Variants in HIBCH observed in about 807,000 individuals in gnomAD.
HIBCH encodes 3-hydroxyisobutyryl-CoA hydrolase, mitochondrial.
A neutral mutation model predicts 58.2 loss-of-function variants in HIBCH; 50 were observed. That is an observed-to-expected ratio of 0.86 (90% CI 0.68 to 1.09). HIBCH has a LOEUF of 1.09. Among genes scored for constraint, HIBCH ranks in the 50% least tolerant of loss-of-function variants. The pLI, the probability that HIBCH is intolerant of heterozygous loss-of-function variation, is 0.00. For missense variants in HIBCH, 450 were observed against 449.7 expected (o/e 1.00, Z -0.01); for synonymous variants, 151 against 146.9 (o/e 1.03, Z -0.20).
intron 10 of HIBCH, 115 bp from the exon 11 acceptor site, chr2:190,245,083 C>A: frequency 1.3e-6 from 1 of 745,492 alleles, no homozygotes. Context: ...GAAAAATTGT[C>A]TAACCTCTTT....
At chr2:190,224,966 T>C (rs1308791661) in intron 11 of HIBCH, among the ~76,000 whole-genome samples, 3 of 152,144 alleles carry the variant, frequency 2.0e-5, no homozygotes, top group African/African-American at 7.2e-5. Context: ...ATTAAGAAAC[T>C]CACTCAAAAT....
chr2:190,295,036 G>A (rs966644042), intron 3 of HIBCH, among the ~76,000 whole-genome samples: 3 of 152,182 alleles, frequency 2.0e-5, no homozygotes, highest in African/African-American at 7.2e-5. Flanking sequence ...TTTCTACTGT[G>A]CTGATACAGG....
chr2:190,226,947 G>A (rs1048440148), intron 11 of HIBCH, among the ~76,000 whole-genome samples: 5 of 152,046 alleles, frequency 3.3e-5, no homozygotes, highest in Admixed American at 2.0e-4. Flanking sequence ...ACAAATGGAA[G>A]AACATTCCAT....
chr2:190,232,868 G>C (rs879421422), intron 11 of HIBCH, among the ~76,000 whole-genome samples: 12 of 152,142 alleles, frequency 7.9e-5, no homozygotes, highest in African/African-American at 1.7e-4. Context: ...TGAGGCAGGA[G>C]AATGGCGTGA....
intron 11 of HIBCH, among the ~76,000 whole-genome samples, chr2:190,220,726 A>G (rs1685695729): frequency 6.6e-6 from 1 of 151,774 alleles, no homozygotes; most frequent in East Asian, 2.0e-4. Flanking sequence ...TTTGCTGACA[A>G]AATCACTAGT....
chr2:190,208,741 T>C (rs1465496409), intron 13 of HIBCH, 139 bp downstream of exon 13: 12 of 724,610 alleles, frequency 1.7e-5, no homozygotes, highest in Non-Finnish European at 3.0e-5. Context: ...GAGTGTCATG[T>C]TGGTGCTCAA....
At chr2:190,278,869 A>G (rs1384666320) in intron 6 of HIBCH, among the ~76,000 whole-genome samples, 1 of 152,212 alleles carries the variant, frequency 6.6e-6, no homozygotes, top group Non-Finnish European at 1.5e-5. Context: ...AAGTGCCAAC[A>G]AGGTTGAGCG....
intron 6 of HIBCH, among the ~76,000 whole-genome samples, chr2:190,264,464 C>T (rs549827790): frequency 4.6e-5 from 7 of 152,004 alleles, no homozygotes; most frequent in African/African-American, 7.2e-5. Context: ...GTCACTACAC[C>T]CTCCATCCCT....
downstream of HIBCH, chr2:190,202,406 G>A (rs911526939): frequency 7.2e-5 from 12 of 166,836 alleles, no homozygotes; most frequent in African/African-American, 2.4e-4. Flanking sequence ...ATCAAGACAG[G>A]AGCAAATGGG....
intron 11 of HIBCH, among the ~76,000 whole-genome samples, chr2:190,218,761 T>C (rs955917917): frequency 1.6e-4 from 25 of 152,360 alleles, no homozygotes; most frequent in African/African-American, 5.8e-4. Context: ...GTTGGCTCTA[T>C]ACCAGGACAG....
At chr2:190,292,419 C>T (rs891507399) in intron 4 of HIBCH, among the ~76,000 whole-genome samples, 3 of 152,218 alleles carry the variant, frequency 2.0e-5, no homozygotes, top group African/African-American at 7.2e-5. Flanking sequence ...ATTCTCCTGC[C>T]TCAGCCTCCC....
chr2:190,306,674 G>A lies in HIBCH; in HGVS notation c.78+4080C>T, dbSNP rs1688416105. 6.6e-6 allele frequency among the ~76,000 whole-genome samples: 1 copy of A among 152,110 alleles called. No homozygotes were observed. On this transcript the variant is annotated intron_variant, in intron 2 of 13. Coordinates refer to ENST00000359678, the MANE Select transcript of HIBCH (RefSeq NM_014362.4). This position sits in a 1 kb window ranked among gnomAD's most constrained non-coding sequence, Gnocchi z 4.6. ...TCCAAGAGTGTCACGTCTTCTGCTA[G>A]CACCCATGAAATATTAAGAAGCTAA... is the stretch of plus-strand genomic sequence containing the variant.
chr2:190,285,604 G>C (rs1320588718), intron 6 of HIBCH, among the ~76,000 whole-genome samples: 8 of 152,076 alleles, frequency 5.3e-5, no homozygotes, highest in Admixed American at 5.2e-4. Flanking sequence ...AAATAGTTAA[G>C]TTCCTTAAAA....
At chr2:190,235,583 A>G (rs1686250573) in intron 11 of HIBCH, among the ~76,000 whole-genome samples, 1 of 152,266 alleles carries the variant, frequency 6.6e-6, no homozygotes, top group African/African-American at 2.4e-5. Context: ...ACAGAATTCA[A>G]GCAGTTAAGT....
At chr2:190,257,082 A>G (rs1309934755) in intron 7 of HIBCH, among the ~76,000 whole-genome samples, 1 of 152,246 alleles carries the variant, frequency 6.6e-6, no homozygotes, top group Admixed American at 6.5e-5. Flanking sequence ...TATAAACCTA[A>G]GTAGCTCAAT....
intron 11 of HIBCH, among the ~76,000 whole-genome samples, chr2:190,244,171 G>T (rs75156123): frequency 0.022 from 3,288 of 151,434 alleles, 122 homozygotes; most frequent in African/African-American, 0.074. Flanking sequence ...ATATATATAC[G>T]AAAAATGCTA....
At position 190,252,152 on chromosome 2, in the gene HIBCH, G is replaced by A; in HGVS notation, c.663+10C>T. ...CCAACAATACAAAATGCAAACATCTGAAAAAGTACCTTTTCAGAATCTACA... is the reference window on the plus strand; with the variant it reads ...CCAACAATACAAAATGCAAACATCTAAAAAAGTACCTTTTCAGAATCTACA... On this transcript the variant is annotated intron_variant, in intron 8 of 13. Coordinates refer to ENST00000359678, the MANE Select transcript of HIBCH (RefSeq NM_014362.4). 6.2e-7 allele frequency: 1 copy of A among 1,613,252 alleles called. No individual in the cohort carries two copies. Among genetic ancestry groups the A allele is most frequent in the South Asian group, 1.1e-5 (1 of 91,036 alleles).
chr2:190,263,428 C>T (rs1687148453), intron 6 of HIBCH, among the ~76,000 whole-genome samples: 1 of 152,098 alleles, frequency 6.6e-6, no homozygotes, highest in Non-Finnish European at 1.5e-5. Flanking sequence ...TCATTAGTTA[C>T]TCTTTCATTT....
rs898981742 is a variant in HIBCH at position 190,279,152 on chromosome 2, A to C, written c.438+8434T>G. On this transcript the variant is annotated intron_variant, in intron 6 of 13. Transcript: ENST00000359678. This position sits in a 1 kb window ranked among gnomAD's most constrained non-coding sequence, Gnocchi z 4.2. ...CAAGAGCATGCCAAACTGGCTTTTA[A>C]AACAGACCCATTCCCATGGTAATTA... Among the ~76,000 whole-genome samples, 5 of 152,204 alleles carry C rather than the reference A, an allele frequency of 3.3e-5. No individual in the cohort carries two copies. Among genetic ancestry groups the C allele is most frequent in the Non-Finnish European group, 7.3e-5 (5 of 68,044 alleles).
Sources: allele counts gnomAD v4.1 joint callset (sites outside exome capture counted in the v4.1 genomes callset), GRCh38; gene constraint gnomAD v4.1.1; non-coding constraint Gnocchi (gnomAD v3.1); transcripts MANE v1.5; gene names NCBI Gene and HGNC (gene_info 2026-07-23, HGNC 2026-07-21).